The following ORM2 variants were observed in gnomAD, a reference collection of about 807,000 sequenced individuals.
The protein encoded by ORM2 is alpha-1-acid glycoprotein 2.
Under a neutral mutation model 26.8 loss-of-function variants are expected in ORM2, and 19 were observed. The ratio of observed to expected loss-of-function variants is 0.71; its 90% CI spans 0.49 to 1.04. The LOEUF (loss-of-function observed/expected upper bound fraction) is 1.04. Among genes scored for constraint, ORM2 ranks in the 50% least tolerant of loss-of-function variants. The pLI, the probability that ORM2 is intolerant of heterozygous loss-of-function variation, is 0.00. For missense variants in ORM2, 259 were observed against 244.9 expected (o/e 1.06, Z -0.39); for synonymous variants, 94 against 100.0 (o/e 0.94, Z 0.36).
intron 3 of ORM2, among the ~76,000 whole-genome samples, 167 bp from the exon 4 acceptor site, chr9:114,331,400 G>A (rs972142161): frequency 6.6e-5 from 10 of 152,056 alleles, no homozygotes; most frequent in South Asian, 2.1e-4. Flanking sequence ...AGTGCTTGGC[G>A]TGGAGCTGGG....
chr9:114,332,435 T>A (rs1829870435), intron 5 of ORM2, among the ~76,000 whole-genome samples: 2 of 152,168 alleles, frequency 1.3e-5, no homozygotes, highest in Non-Finnish European at 2.9e-5. Flanking sequence ...AACCTGTGTT[T>A]GGAAGACTTG....
In ORM2 at chr9:114,330,475, C is replaced by A. The variant is rs778501228; in HGVS notation, c.156C>A (p.Asn52Lys). 2 of 1,610,068 alleles carry A rather than the reference C, an allele frequency of 1.2e-6. No homozygotes were observed. The highest frequency in any genetic ancestry group is 1.7e-6 in the Non-Finnish European group (2 of 1,179,360). The change falls in exon 2 of 6, where the codon AAC becomes AAA. Residue 52 changes from asparagine to lysine, a missense_variant. Transcript: ENST00000431067. Reference sequence around the variant, plus strand: ...TTTATATCGCATCGGCCTTTCGAAACGAGGAGTACAATAAGTCGGTTCAGG... The same window carrying A: ...TTTATATCGCATCGGCCTTTCGAAAAGAGGAGTACAATAAGTCGGTTCAGG... ...KWFYIASAFR[N>K]EEYNKSVQEI...
intron 5 of ORM2, among the ~76,000 whole-genome samples, chr9:114,332,271 C>T (rs1829866653): frequency 6.6e-6 from 1 of 152,082 alleles, no homozygotes; most frequent in African/African-American, 2.4e-5. Flanking sequence ...TTCACCCCAC[C>T]TCCACTCCCC....
intron 4 of ORM2, 73 bp downstream of exon 4, chr9:114,331,747 G>A (rs1310752703): frequency 3.2e-5 from 51 of 1,585,946 alleles, no homozygotes; most frequent in Non-Finnish European, 4.1e-5. Context: ...CCCTGGGCTG[G>A]CCCCTAGAAC....
chr9:114,331,421 G>C, intron 3 of ORM2, 146 bp from the exon 4 acceptor site: 6 of 636,028 alleles, frequency 9.4e-6, no homozygotes, highest in South Asian at 2.0e-5. Flanking sequence ...CACGCAGCAG[G>C]GGCTGGGCAC....
Position 114,329,918 on chromosome 9 carries a change from G to A in ORM2, c.14G>A (p.Trp5Ter). The A allele has an allele frequency of 7.0e-7, 1 of 1,432,022 alleles. No individual in the cohort carries two copies. Among genetic ancestry groups the A allele is most frequent in the Non-Finnish European group, 9.3e-7 (1 of 1,079,412 alleles). The allele number at this position is 1,432,022 out of a possible 1,614,324, so 88.7% of individuals were successfully genotyped here. ...CCTGGTCTCAGTATGGCGCTGTCCT[G>A]GGTTCTTACAGTCCTGAGCCTCCTA... MALS[W>*]VLTVLSLLPL... is the part of the protein sequence containing the mutation. Residue 5 changes from tryptophan (W) to a stop codon, truncating the protein, a stop_gained, in exon 1 of 6, where the codon TGG (tryptophan) becomes TAG (stop). Coordinates refer to ENST00000431067, the MANE Select transcript of ORM2 (RefSeq NM_000608.4). LOFTEE classifies it high-confidence loss of function.
intron 1 of ORM2, 95 bp from the exon 2 acceptor site, chr9:114,330,339 G>A: frequency 1.4e-6 from 2 of 1,420,452 alleles, no homozygotes; most frequent in Non-Finnish European, 2.0e-6. Context: ...CTCCCCATCT[G>A]CAAAATCAGG....
intron 5 of ORM2, among the ~76,000 whole-genome samples, chr9:114,332,732 G>A (rs1269852191): frequency 5.3e-5 from 8 of 152,156 alleles, no homozygotes; most frequent in African/African-American, 1.2e-4. Context: ...GGGTCCCAAG[G>A]CCACCCTGCT....
Position 114,331,049 on chromosome 9 carries a change from T to G in ORM2, c.328+187T>G, listed in dbSNP as rs575916824. ...ACTGAGAGAATTAGATGAGGAAACA[T>G]AAGAACAGAGACCTCAAATAGTTTC... On this transcript the variant is annotated intron_variant, in intron 3 of 5. Coordinates refer to ENST00000431067, the MANE Select transcript of ORM2 (RefSeq NM_000608.4). Among the ~76,000 whole-genome samples, 18 of 152,042 alleles carry G rather than the reference T, an allele frequency of 1.2e-4. No individual in the cohort carries two copies. In the South Asian group the frequency reaches 1.5e-3, roughly 12 times the overall value.
intron 5 of ORM2, among the ~76,000 whole-genome samples, chr9:114,332,819 T>C (rs1043100789): frequency 6.6e-6 from 1 of 152,214 alleles, no homozygotes; most frequent in Non-Finnish European, 1.5e-5. Flanking sequence ...CTGCAGGTAC[T>C]ATGTGCTCAG....
chr9:114,331,583 T>C lies in ORM2; in HGVS notation c.345T>C (p.His115=), dbSNP rs1289806868. Residue 115 remains histidine (H), a synonymous_variant, in exon 4 of 6, where the codon CAT becomes CAC. Transcript: ENST00000431067. ...TVSRYEGGRE[H]VAHLLFLRDT... ...CTCTTCCAGAGGGAGGCCGAGAACA[T>C]GTTGCTCACCTGCTGTTCCTTAGGG... 6.2e-7 allele frequency: 1 copy of C among 1,613,892 alleles called. No individual in the cohort carries two copies. Among genetic ancestry groups the C allele is most frequent in the Non-Finnish European group, 8.5e-7 (1 of 1,179,908 alleles).
intron 5 of ORM2, among the ~76,000 whole-genome samples, chr9:114,332,350 C>T (rs1214652631): frequency 5.3e-5 from 8 of 152,102 alleles, no homozygotes; most frequent in Non-Finnish European, 1.2e-4. Flanking sequence ...CACTGCAGCA[C>T]GGCCACAGTC....
At chr9:114,331,062 C>T (rs1829842923) in intron 3 of ORM2, among the ~76,000 whole-genome samples, 200 bp downstream of exon 3, 1 of 152,152 alleles carries the variant, frequency 6.6e-6, no homozygotes, top group East Asian at 1.9e-4. Context: ...GAACAGAGAC[C>T]TCAAATAGTT....
At position 114,331,661 on chromosome 9, in the gene ORM2, G is replaced by A; in HGVS notation, c.423G>A (p.Gly141=). 3 of 1,613,688 alleles carry A rather than the reference G, an allele frequency of 1.9e-6. No individual in the cohort carries two copies. The highest frequency in any genetic ancestry group is 1.7e-6 in the Non-Finnish European group (2 of 1,179,756). The change falls in exon 4 of 6, where the codon GGG becomes GGA. Residue 141 remains glycine (G), a synonymous_variant. Coordinates refer to ENST00000431067, the MANE Select transcript of ORM2 (RefSeq NM_000608.4). ...ACCTGGACGATGAGAAGAACTGGGG[G>A]CTGTCTTTCTATGGTAGGCATGCTT... ...GSYLDDEKNW[G]LSFYADKPET...
chr9:114,330,798 C>G lies in ORM2; in HGVS notation c.264C>G (p.Asn88Lys), dbSNP rs775419670. Residue 88 changes from asparagine (N) to lysine (K), a missense_variant, in exon 3 of 6, where the codon AAC becomes AAG. Physicochemically the swap from Asn to Lys is moderately conservative, Grantham distance 94 (BLOSUM62 0). Coordinates refer to ENST00000431067, the MANE Select transcript of ORM2 (RefSeq NM_000608.4). ...IFLREYQTRQ[N>K]QCFYNSSYLN... ...GCCTTCTGGTTGACTTTAGCCAGAA[C>G]CAGTGCTTCTATAACTCCAGTTACC... The G allele has an allele frequency of 1.2e-6, 2 of 1,613,822 alleles. No individual in the cohort carries two copies. The highest frequency in any genetic ancestry group is 2.2e-5 in the South Asian group (2 of 91,074).
chr9:114,331,495 A>C (rs546345837), intron 3 of ORM2, 72 bp from the exon 4 acceptor site: 62 of 1,247,060 alleles, frequency 5.0e-5, no homozygotes, highest in Admixed American at 3.8e-4. Context: ...CACACCTAGG[A>C]CTCCTCACCT....
At chr9:114,330,368 TC>T (rs1296899565) in intron 1 of ORM2, 65 bp from the exon 2 acceptor site, 1 of 1,539,916 alleles carries the variant, frequency 6.5e-7, no homozygotes, top group Non-Finnish European at 8.9e-7. Flanking sequence ...TGCCTGAGTC[TC>T]CTCCCAGCTG....
chr9:114,332,986 A>T, intron 5 of ORM2, 83 bp from the exon 6 acceptor site: 1 of 1,587,672 alleles, frequency 6.3e-7, no homozygotes, highest in Non-Finnish European at 8.6e-7. Context: ...GCCAGAGCTC[A>T]TTCTGCCCTC....
At chr9:114,332,640 G>A (rs570086434) in intron 5 of ORM2, among the ~76,000 whole-genome samples, 1 of 152,192 alleles carries the variant, frequency 6.6e-6, no homozygotes, top group African/African-American at 2.4e-5. Context: ...TCCTGGGACA[G>A]GGCTTATGAA....
Sources: allele counts gnomAD v4.1 joint callset (sites outside exome capture counted in the v4.1 genomes callset), GRCh38; gene constraint gnomAD v4.1.1; transcripts MANE v1.5; gene names NCBI Gene and HGNC (gene_info 2026-07-23, HGNC 2026-07-21).